MRM1: variants seen among roughly 807,000 people sequenced by gnomAD.
MRM1 encodes the protein mitochondrial rRNA methyltransferase 1, also known as rRNA methyltransferase 1, mitochondrial.
A neutral mutation model predicts 25.0 loss-of-function variants in MRM1; 24 were observed. The observed-to-expected ratio is 0.96, with a 90% CI of 0.69 to 1.35. The LOEUF (loss-of-function observed/expected upper bound fraction) is 1.35, where lower values mean the gene tolerates loss of function less well. Among genes scored for constraint, MRM1 ranks in the 40% most tolerant of loss-of-function variants. The pLI is 0.00. For synonymous variants in MRM1, 188 were observed against 199.2 expected (o/e 0.94, Z 0.47); for missense variants, 431 against 464.1 (o/e 0.93, Z 0.65).
intron 2 of MRM1, among the ~76,000 whole-genome samples, chr17:36,603,471 G>A (rs2074900894): frequency 6.6e-6 from 1 of 151,880 alleles, no homozygotes; most frequent in Admixed American, 6.6e-5. Context: ...GTGCAATATT[G>A]GCTCACTGCA....
At chr17:36,603,909 T>C (rs996615555) in intron 2 of MRM1, among the ~76,000 whole-genome samples, 3 of 152,172 alleles carry the variant, frequency 2.0e-5, no homozygotes, top group African/African-American at 7.2e-5. Context: ...GAGATGAGGT[T>C]CCCACTCATC....
At chr17:36,625,900 T>A in the MRM1 span, among the ~76,000 whole-genome samples, 1 of 151,900 alleles carries the variant, frequency 6.6e-6, no homozygotes, top group South Asian at 2.1e-4. Context: ...TCCCACTCCC[T>A]CCCCACAGCC....
the MRM1 span, among the ~76,000 whole-genome samples, chr17:36,633,382 G>A: frequency 6.6e-6 from 1 of 152,204 alleles, no homozygotes; most frequent in Non-Finnish European, 1.5e-5. Flanking sequence ...CCTTGGGTCC[G>A]TGAGGGAAGA....
intron 4 of MRM1, 75 bp from the exon 5 acceptor site, chr17:36,608,168 C>T: frequency 6.6e-7 from 1 of 1,516,370 alleles, no homozygotes; most frequent in South Asian, 1.3e-5. Flanking sequence ...AGATGAGGGG[C>T]TGCCTGAATG....
At chr17:36,622,688 G>C in the MRM1 span, among the ~76,000 whole-genome samples, 1 of 152,196 alleles carries the variant, frequency 6.6e-6, no homozygotes, top group Admixed American at 6.5e-5. Flanking sequence ...AGTTAGAGTT[G>C]GATGGACATA....
Position 36,602,975 on chromosome 17 carries a change from A to G in MRM1, c.636+329A>G, listed in dbSNP as rs1395921054. On this transcript the variant is annotated intron_variant, in intron 2 of 4. Coordinates refer to ENST00000614766, the MANE Select transcript of MRM1 (RefSeq NM_024864.5). The surrounding 1 kb of genome is among the most constrained non-coding windows in gnomAD (Gnocchi z 4.1). ...TTTGTTCAGCTGTGGGGAGCTGCGT[A>G]CAGGAGACCTGAGTTCCTCGAATAG... is the stretch of plus-strand genomic sequence containing the variant. The G allele has an allele frequency of 4.1e-6, 4 of 985,324 alleles. No homozygotes were observed. Among genetic ancestry groups the G allele is most frequent in the Admixed American group, 6.1e-5 (1 of 16,274 alleles). The allele number at this position is 985,324 out of a possible 1,614,324, so 61.0% of individuals were successfully genotyped here.
chr17:36,622,978 C>T, the MRM1 span, among the ~76,000 whole-genome samples: 1 of 152,232 alleles, frequency 6.6e-6, no homozygotes, highest in Non-Finnish European at 1.5e-5. Flanking sequence ...CTGAATTGGC[C>T]CTCCAAGCCC....
the MRM1 span, among the ~76,000 whole-genome samples, chr17:36,621,044 A>G: frequency 6.6e-6 from 1 of 152,142 alleles, no homozygotes; most frequent in Non-Finnish European, 1.5e-5. Context: ...AATTTTCTTC[A>G]TCTGGGAGCA....
chr17:36,616,717 A>G, the MRM1 span, among the ~76,000 whole-genome samples: 6 of 151,900 alleles, frequency 3.9e-5, no homozygotes, highest in African/African-American at 7.3e-5. Flanking sequence ...TTCCCTTACC[A>G]TACTTTTTGT....
intron 2 of MRM1, among the ~76,000 whole-genome samples, chr17:36,606,414 A>ATTT (rs35048409): frequency 5.7e-5 from 8 of 140,544 alleles, no homozygotes; most frequent in African/African-American, 1.9e-4. Context: ...CTGATGGATA[A>ATTT]TTTTTTTTTT....
intron 2 of MRM1, among the ~76,000 whole-genome samples, chr17:36,604,830 G>A (rs149811478): frequency 7.7e-4 from 115 of 150,300 alleles, no homozygotes; most frequent in African/African-American, 2.1e-3. Flanking sequence ...GGTCTTGGCC[G>A]GGAGCGGTTG....
At chr17:36,603,115 G>T in intron 2 of MRM1, 1 of 985,300 alleles carries the variant, frequency 1.0e-6, no homozygotes, top group South Asian at 4.7e-5. Flanking sequence ...TGCTTCCCTT[G>T]CTGGACACAA....
the MRM1 span, among the ~76,000 whole-genome samples, chr17:36,622,535 G>A: frequency 6.6e-6 from 1 of 151,258 alleles, no homozygotes; most frequent in African/African-American, 2.4e-5. Context: ...TCAAGCCACT[G>A]GACTCTAGCC....
downstream of MRM1, among the ~76,000 whole-genome samples, chr17:36,612,167 A>G (rs12602870): frequency 0.47 from 71,704 of 151,890 alleles, 19,218 homozygotes; most frequent in African/African-American, 0.73. Flanking sequence ...CCTGCCCTGG[A>G]CATGCTGTTC....
intron 2 of MRM1, among the ~76,000 whole-genome samples, chr17:36,604,100 C>T (rs1431827738): frequency 2.6e-5 from 4 of 152,238 alleles, no homozygotes; most frequent in African/African-American, 4.8e-5. Context: ...GGCCCCATCC[C>T]TTCCTGCGTA....
the MRM1 span, among the ~76,000 whole-genome samples, chr17:36,622,454 C>T: frequency 6.6e-6 from 1 of 152,018 alleles, no homozygotes; most frequent in Non-Finnish European, 1.5e-5. Flanking sequence ...CACCTGTAAT[C>T]CCAGCTACTC....
downstream of MRM1, among the ~76,000 whole-genome samples, chr17:36,611,020 G>T (rs1391263948): frequency 6.6e-6 from 1 of 152,130 alleles, no homozygotes; most frequent in Non-Finnish European, 1.5e-5. Flanking sequence ...CTCCATGTTG[G>T]CCAGGCTGGT....
chr17:36,630,956 T>C, the MRM1 span, among the ~76,000 whole-genome samples: 1 of 152,198 alleles, frequency 6.6e-6, no homozygotes, highest in Middle Eastern at 3.2e-3. Flanking sequence ...AAAATCAGGC[T>C]GGCTGGGGCT....
the MRM1 span, among the ~76,000 whole-genome samples, chr17:36,633,245 C>T: frequency 6.6e-6 from 1 of 152,122 alleles, no homozygotes; most frequent in Non-Finnish European, 1.5e-5. Context: ...ACCCCACTCC[C>T]ACTCCTCAAA....
Sources: allele counts gnomAD v4.1 joint callset (sites outside exome capture counted in the v4.1 genomes callset), GRCh38; gene constraint gnomAD v4.1.1; non-coding constraint Gnocchi (gnomAD v3.1); transcripts MANE v1.5; gene names NCBI Gene and HGNC (gene_info 2026-07-23, HGNC 2026-07-21).